Variants in FSTL1 observed in about 807,000 individuals in gnomAD.
FSTL1 encodes the protein follistatin like 1, also known as follistatin-related protein 1.
Under a neutral mutation model 45.9 loss-of-function variants are expected in FSTL1, and 24 were observed. The observed-to-expected ratio is 0.52, with a 90% confidence interval of 0.38 to 0.74. The LOEUF (loss-of-function observed/expected upper bound fraction) is 0.74, where lower values mean the gene tolerates loss of function less well. Among genes scored for constraint, FSTL1 ranks in the 30% least tolerant of loss-of-function variants. FSTL1 has a pLI of 0.00. For missense variants in FSTL1, 340 were observed against 381.8 expected, an observed-to-expected ratio of 0.89 and a Z score of 0.91; for synonymous variants, 120 against 137.6, an observed-to-expected ratio of 0.87 and a Z score of 0.89.
chr3:120,425,351 G>A (rs1322705910), intron 2 of FSTL1, among the ~76,000 whole-genome samples: 5 of 137,762 alleles, frequency 3.6e-5, no homozygotes, highest in African/African-American at 1.0e-4. Flanking sequence ...GGCAAATGTC[G>A]GGATAAAACA....
At chr3:120,406,396 A>G (rs1327846163) in intron 6 of FSTL1, among the ~76,000 whole-genome samples, 1 of 152,182 alleles carries the variant, frequency 6.6e-6, no homozygotes, top group Non-Finnish European at 1.5e-5. Context: ...TCAGGGCCTG[A>G]TGATGGAATG....
chr3:120,431,264 C>A (rs1195027550), intron 2 of FSTL1, among the ~76,000 whole-genome samples: 1 of 152,122 alleles, frequency 6.6e-6, no homozygotes, highest in Non-Finnish European at 1.5e-5. Context: ...AGCCACCGCA[C>A]CCGGCCTCTG....
intron 2 of FSTL1, among the ~76,000 whole-genome samples, chr3:120,436,354 TTCCCAG>T (rs1937559068): frequency 6.6e-6 from 1 of 152,112 alleles, no homozygotes; most frequent in Non-Finnish European, 1.5e-5. Context: ...CTCAAAACAT[TTCCCAG>T]TCCCATTCTC....
At chr3:120,449,417 C>G (rs1049310532) in intron 2 of FSTL1, among the ~76,000 whole-genome samples, 2 of 152,108 alleles carry the variant, frequency 1.3e-5, no homozygotes, top group African/African-American at 4.8e-5. Flanking sequence ...GGGTCCGGAG[C>G]CAGACTGTTT....
At chr3:120,442,747 T>C (rs1440107152) in intron 2 of FSTL1, among the ~76,000 whole-genome samples, 2 of 136,750 alleles carry the variant, frequency 1.5e-5, no homozygotes, top group Admixed American at 1.7e-4. Context: ...CGCACCACTG[T>C]GCTCCAGCCT....
intron 5 of FSTL1, chr3:120,410,020 TAC>T: frequency 5.8e-6 from 1 of 172,836 alleles, no homozygotes; most frequent in Non-Finnish European, 1.2e-5. Flanking sequence ...GCTGAAATAA[TAC>T]ATGAATAAAT....
chr3:120,401,367 C>A (rs1936822097), intron 9 of FSTL1, among the ~76,000 whole-genome samples: 1 of 152,178 alleles, frequency 6.6e-6, no homozygotes, highest in South Asian at 2.1e-4. Flanking sequence ...TCGTTCCACA[C>A]TGAAAACAGA....
chr3:120,446,316 A>G (rs1937739360), intron 2 of FSTL1, among the ~76,000 whole-genome samples: 1 of 152,178 alleles, frequency 6.6e-6, no homozygotes, highest in Non-Finnish European at 1.5e-5. Flanking sequence ...GCCCATGACC[A>G]GATCTTCACC....
intron 2 of FSTL1, among the ~76,000 whole-genome samples, chr3:120,440,081 C>G (rs1289760923): frequency 6.6e-6 from 1 of 152,152 alleles, no homozygotes; most frequent in Non-Finnish European, 1.5e-5. Flanking sequence ...TCACTGCTCT[C>G]CAGCCCGGGC....
intron 2 of FSTL1, among the ~76,000 whole-genome samples, chr3:120,425,498 T>A (rs1401987687): frequency 6.6e-6 from 1 of 152,152 alleles, no homozygotes; most frequent in Non-Finnish European, 1.5e-5. Context: ...TGGATATATC[T>A]CTGCCTCTAA....
rs542150797 is a variant in FSTL1 at position 120,409,715 on chromosome 3, A to T, written c.332-53T>A. ...GAGCAGTCAGGGGAGGACCCCAGTG[A>T]TATCTGGCACCCACTGTGTGGGAGC... On this transcript the variant is annotated intron_variant, in intron 5 of 10. Transcript: ENST00000295633. 6.3e-6 allele frequency: 10 copies of T among 1,590,734 alleles called. No homozygotes were observed. The East Asian group carries it at 2.2e-4, about 36-fold the overall frequency.
intron 6 of FSTL1, among the ~76,000 whole-genome samples, chr3:120,407,647 C>G (rs1357583194): frequency 6.6e-6 from 1 of 152,228 alleles, no homozygotes; most frequent in Non-Finnish European, 1.5e-5. Context: ...CTCTCACCAA[C>G]AGGCAGCTGC....
chr3:120,400,701 T>G (rs1936804335), intron 9 of FSTL1, among the ~76,000 whole-genome samples: 2 of 152,210 alleles, frequency 1.3e-5, no homozygotes, highest in South Asian at 4.1e-4. Flanking sequence ...GGCTTCAAAT[T>G]TTGATGCCCC....
chr3:120,427,028 T>A (rs1346351019), intron 2 of FSTL1, among the ~76,000 whole-genome samples: 1 of 152,196 alleles, frequency 6.6e-6, no homozygotes, highest in Non-Finnish European at 1.5e-5. Context: ...TGAGAACTCA[T>A]TAGCCTTTGA....
intron 3 of FSTL1, among the ~76,000 whole-genome samples, chr3:120,414,149 C>T (rs1443489926): frequency 1.3e-5 from 2 of 152,100 alleles, no homozygotes; most frequent in Non-Finnish European, 2.9e-5. Flanking sequence ...ACCTCCCAGC[C>T]GCCTGCCTTG....
In FSTL1 at chr3:120,402,926, GC is replaced by G; in HGVS notation, c.695-9del. On this transcript the variant is annotated splice_polypyrimidine_tract_variant and intron_variant, in intron 8 of 10. Transcript: ENST00000295633. ...CATCCTCCAGGGCACACTCTGTTGG[GC>G]CAGAAATACGGGGCAACAGTTTAGC... is the stretch of plus-strand genomic sequence containing the variant. The G allele has an allele frequency of 6.4e-7, 1 of 1,553,554 alleles. No individual in the cohort carries two copies. Among genetic ancestry groups the G allele is most frequent in the Non-Finnish European group, 8.9e-7 (1 of 1,124,940 alleles).
chr3:120,393,464 T>G lies in FSTL1; in HGVS notation c.*3488A>C, dbSNP rs1228429289. On this transcript the variant is annotated 3_prime_UTR_variant, in exon 11 of 11. Transcript: ENST00000295633. ...AACGTTCAGCCCACTTGGAACTGTTTACCCCCATGGAATGTGTGTATCAAG... is the reference window on the plus strand; with the variant it reads ...AACGTTCAGCCCACTTGGAACTGTTGACCCCCATGGAATGTGTGTATCAAG... The G allele has an allele frequency of 6.6e-6, 1 of 152,202 alleles. No homozygotes were observed. Among genetic ancestry groups the G allele is most frequent in the Non-Finnish European group, 1.5e-5 (1 of 68,046 alleles). 9.4% of individuals were successfully genotyped at this position (152,202 alleles called of 1,614,324 possible).
At chr3:120,400,098 T>C in intron 9 of FSTL1, 139 bp from the exon 10 acceptor site, 1 of 665,684 alleles carries the variant, frequency 1.5e-6, no homozygotes, top group Non-Finnish European at 2.7e-6. Context: ...ATTTTCTGAG[T>C]ATGAAGGCAT....
In FSTL1 at chr3:120,392,457, A is replaced by G. The variant is rs73855224; in HGVS notation, c.*4495T>C. The G allele has an allele frequency of 6.6e-6, 1 of 152,162 alleles. No homozygotes were observed. Among genetic ancestry groups the G allele is most frequent in the South Asian group, 2.1e-4 (1 of 4,832 alleles). 9.4% of individuals were successfully genotyped at this position (152,162 alleles called of 1,614,324 possible). On this transcript the variant is annotated 3_prime_UTR_variant, in exon 11 of 11. Transcript: ENST00000295633. ...CTCAGTTTATGTACTTTTGGCAGTC[A>G]TGCATACTGGTGCAACTTCTTTGAC...
Sources: gnomAD v4.1 joint callset for allele counts (sites outside exome capture counted in the v4.1 genomes callset) on GRCh38, gnomAD v4.1.1 for gene constraint, MANE v1.5 for transcripts, NCBI Gene and HGNC (gene_info 2026-07-23, HGNC 2026-07-21) for gene names.